The following ATP8A1 variants were observed in gnomAD, a reference collection of about 807,000 sequenced individuals.
ATP8A1 encodes the protein phospholipid-transporting ATPase IA.
A neutral mutation model predicts 177.7 loss-of-function variants in ATP8A1; 90 were observed. The observed-to-expected ratio is 0.51, with a 90% CI of 0.43 to 0.60. The LOEUF is 0.60. Ranked by LOEUF, ATP8A1 falls within the 20% of genes least tolerant of loss-of-function variation. ATP8A1 has a pLI of 0.00. For synonymous variants in ATP8A1, 493 were observed against 485.9 expected (o/e 1.01, Z -0.19); for missense variants, 1,072 against 1,392.8 (o/e 0.77, Z 3.67).
chr4:42,629,736 C>G (rs987671920), intron 1 of ATP8A1, among the ~76,000 whole-genome samples: 1 of 152,230 alleles, frequency 6.6e-6, no homozygotes, highest in African/African-American at 2.4e-5. Context: ...TACTTGACCT[C>G]AGAGATCCTC....
chr4:42,471,086 A>G (rs1203697231), intron 25 of ATP8A1, among the ~76,000 whole-genome samples: 1 of 152,234 alleles, frequency 6.6e-6, no homozygotes, highest in East Asian at 1.9e-4. Context: ...CCTGATGTAC[A>G]AAAACTACAA....
At position 42,619,989 on chromosome 4, in the gene ATP8A1, T is replaced by C. The variant is rs59309606; in HGVS notation, c.364-3911A>G. Among the ~76,000 whole-genome samples the C allele has an allele frequency of 5.6e-3, 858 of 152,260 alleles. 9 individuals carry two copies. The highest frequency in any genetic ancestry group is 0.02 in the African/African-American group (825 of 41,548). ...CCTGATGCCCACCATCACGTGTCTT[T>C]GAGTAAGTGAAAAATAAACTTATAT... is the stretch of plus-strand genomic sequence containing the variant. On this transcript the variant is annotated intron_variant, in intron 4 of 36. Transcript: ENST00000381668.
At chr4:42,450,518 A>C (rs968938392) in intron 30 of ATP8A1, among the ~76,000 whole-genome samples, 2 of 152,252 alleles carry the variant, frequency 1.3e-5, no homozygotes, top group African/African-American at 2.4e-5. Flanking sequence ...GCAACAAACT[A>C]ACTCACTGTA....
At chr4:42,589,324 T>C (rs1474027088) in intron 7 of ATP8A1, among the ~76,000 whole-genome samples, 1 of 152,236 alleles carries the variant, frequency 6.6e-6, no homozygotes, top group South Asian at 2.1e-4. Flanking sequence ...TAATCTCTTA[T>C]AAGCATGTGT....
intron 19 of ATP8A1, 127 bp downstream of exon 19, chr4:42,548,886 T>C (rs1343478071): frequency 4.2e-6 from 3 of 712,394 alleles, no homozygotes; most frequent in Non-Finnish European, 6.8e-6. Context: ...GATTTTGATT[T>C]AATATTTTGT....
intron 25 of ATP8A1, among the ~76,000 whole-genome samples, chr4:42,470,117 C>T (rs1720228629): frequency 6.6e-6 from 1 of 152,156 alleles, no homozygotes; most frequent in Admixed American, 6.6e-5. Context: ...GAAGAGACTC[C>T]ATGGAAAAAG....
At chr4:42,519,339 C>T (rs1409743361) in intron 22 of ATP8A1, among the ~76,000 whole-genome samples, 1 of 152,190 alleles carries the variant, frequency 6.6e-6, no homozygotes, top group African/African-American at 2.4e-5. Flanking sequence ...AATGATCCTC[C>T]CACCTTGGTC....
chr4:42,457,660 G>A (rs1380783061), intron 27 of ATP8A1, among the ~76,000 whole-genome samples: 1 of 152,152 alleles, frequency 6.6e-6, no homozygotes, highest in Non-Finnish European at 1.5e-5. Context: ...GTTTATATGT[G>A]GGCAAACATT....
intron 22 of ATP8A1, among the ~76,000 whole-genome samples, chr4:42,518,541 A>G (rs1296596632): frequency 6.6e-6 from 1 of 152,190 alleles, no homozygotes; most frequent in East Asian, 1.9e-4. Flanking sequence ...TACTCCAGCC[A>G]AAGCAGTCCT....
chr4:42,543,311 T>C (rs1187435329), intron 20 of ATP8A1, among the ~76,000 whole-genome samples: 1 of 152,100 alleles, frequency 6.6e-6, no homozygotes. Flanking sequence ...GAAAGAACAG[T>C]TCAGAAGGAA....
At position 42,423,625 on chromosome 4, in the gene ATP8A1, C is replaced by A. The variant is rs374530990; in HGVS notation, c.3204G>T (p.Val1068=). 3 of 1,608,978 alleles carry A rather than the reference C, an allele frequency of 1.9e-6. No individual in the cohort carries two copies. Among genetic ancestry groups the A allele is most frequent in the Middle Eastern group, 1.7e-4 (1 of 6,048 alleles). Residue 1068 remains valine (V), a synonymous_variant, in exon 34 of 37, where the codon GTG becomes GTT. Coordinates refer to ENST00000381668, the MANE Select transcript of ATP8A1 (RefSeq NM_006095.2). The part of the protein sequence containing the change: ...IPVASLLLDV[V]YKVIKRTAFK... ...ACTGAGTATATACTTACACCTTGTA[C>A]ACCACATCAAGGAGCAGAGATGCCA...
intron 5 of ATP8A1, among the ~76,000 whole-genome samples, chr4:42,604,259 G>C (rs541634096): frequency 5.3e-5 from 8 of 152,082 alleles, no homozygotes; most frequent in Non-Finnish European, 1.0e-4. Flanking sequence ...AATGAGCTCC[G>C]TGCACTTTTC....
At chr4:42,627,617 A>G (rs1738247068) in intron 1 of ATP8A1, among the ~76,000 whole-genome samples, 1 of 152,168 alleles carries the variant, frequency 6.6e-6, no homozygotes, top group Non-Finnish European at 1.5e-5. Flanking sequence ...TTTTTTCTCC[A>G]GTTAGAATTC....
At chr4:42,633,604 G>A (rs1390504513) in intron 1 of ATP8A1, among the ~76,000 whole-genome samples, 1 of 152,152 alleles carries the variant, frequency 6.6e-6, no homozygotes, top group African/African-American at 2.4e-5. Context: ...AGTGATTGTA[G>A]AACAATTGAC....
chr4:42,542,861 A>C (rs1728551214), intron 20 of ATP8A1, among the ~76,000 whole-genome samples: 1 of 152,138 alleles, frequency 6.6e-6, no homozygotes, highest in Non-Finnish European at 1.5e-5. Context: ...TGGGATGTGG[A>C]AGATCTTTAC....
At position 42,572,501 on chromosome 4, in the gene ATP8A1, TAC is replaced by T. The variant is rs547827736; in HGVS notation, c.1295+2116_1295+2117del. Among the ~76,000 whole-genome samples, 332 of 152,312 alleles carry T rather than the reference TAC, an allele frequency of 2.2e-3. 1 individual carries two copies. Among genetic ancestry groups the T allele is most frequent in the African/African-American group, 7.6e-3 (316 of 41,560 alleles). On this transcript the variant is annotated intron_variant, in intron 14 of 36. Transcript: ENST00000381668. ...AAACTTTCAGACATCAACAACTCTC[TAC>T]GATGCTAACAGTCCAATAATCCACC...
chr4:42,615,422 G>C (rs747813489), intron 5 of ATP8A1, among the ~76,000 whole-genome samples: 6 of 151,906 alleles, frequency 3.9e-5, no homozygotes, highest in Non-Finnish European at 5.9e-5. Context: ...GATGAGCTAA[G>C]ATGTCTGTTT....
intron 8 of ATP8A1, 125 bp downstream of exon 8, chr4:42,588,135 G>A: frequency 3.0e-6 from 2 of 673,514 alleles, no homozygotes; most frequent in African/African-American, 1.8e-5. Context: ...CCTCTTTGTT[G>A]TGGTTCCATG....
At position 42,650,186 on chromosome 4, in the gene ATP8A1, T is replaced by C. The variant is rs550850723; in HGVS notation, c.49+6639A>G. Among the ~76,000 whole-genome samples, 8 of 152,338 alleles carry C rather than the reference T, an allele frequency of 5.3e-5. No homozygotes were observed. In the East Asian group the frequency reaches 1.5e-3, roughly 29 times the overall value. On this transcript the variant is annotated intron_variant, in intron 1 of 36. Transcript: ENST00000381668. ...TTGAAATGACAGAAAAAACAAACCA[T>C]GAATTCTGCACTGAAGATAGAAAAC...
Sources: gnomAD v4.1 joint callset for allele counts (sites outside exome capture counted in the v4.1 genomes callset) on GRCh38, gnomAD v4.1.1 for gene constraint, MANE v1.5 for transcripts, NCBI Gene and HGNC (gene_info 2026-07-23, HGNC 2026-07-21) for gene names.